GALNT7: variants seen among roughly 807,000 people sequenced by gnomAD.
GALNT7 encodes N-acetylgalactosaminyltransferase 7.
GALNT7 carries 60 observed loss-of-function variants against 82.1 expected under a neutral mutation model. The ratio of observed to expected loss-of-function variants is 0.73; its 90% CI spans 0.59 to 0.91. The LOEUF is 0.91. GALNT7 is among the 40% of genes least tolerant of loss of function. The pLI, the probability that GALNT7 is intolerant of heterozygous loss-of-function variation, is 0.00. For synonymous variants in GALNT7, 243 were observed against 275.1 expected (o/e 0.88, Z 1.15); for missense variants, 660 against 804.2 (o/e 0.82, Z 2.17).
intron 2 of GALNT7, among the ~76,000 whole-genome samples, chr4:173,263,616 G>A (rs570998294): frequency 4.6e-5 from 7 of 152,076 alleles, no homozygotes; most frequent in Admixed American, 2.0e-4. Flanking sequence ...AAATGGTATA[G>A]GGCAACCAGC....
intron 1 of GALNT7, among the ~76,000 whole-genome samples, chr4:173,215,526 G>A (rs1372004669): frequency 1.3e-5 from 2 of 151,980 alleles, no homozygotes; most frequent in South Asian, 2.1e-4. Context: ...CACCATACCC[G>A]GCCTGCTGTT....
intron 1 of GALNT7, among the ~76,000 whole-genome samples, chr4:173,209,846 C>T (rs1178572313): frequency 6.6e-6 from 1 of 152,234 alleles, no homozygotes; most frequent in Non-Finnish European, 1.5e-5. Context: ...ATTTACGAAA[C>T]ACTCATGGCT....
intron 2 of GALNT7, among the ~76,000 whole-genome samples, chr4:173,264,715 CTG>C (rs1735416003): frequency 6.6e-6 from 1 of 152,142 alleles, no homozygotes; most frequent in East Asian, 1.9e-4. Context: ...TTAAGTTTTT[CTG>C]TGTTTCTACA....
At chr4:173,205,899 T>C (rs1007136595) in intron 1 of GALNT7, among the ~76,000 whole-genome samples, 2 of 151,580 alleles carry the variant, frequency 1.3e-5, no homozygotes, top group African/African-American at 4.9e-5. Context: ...GCTGTTGGGG[T>C]TGGCCTGGTG....
chr4:173,182,844 A>ACACACACACT (rs1732297730), intron 1 of GALNT7, among the ~76,000 whole-genome samples: 1 of 139,086 alleles, frequency 7.2e-6, no homozygotes, highest in Non-Finnish European at 1.6e-5. Flanking sequence ...ACACACACAC[A>ACACACACACT]GCTTTTTCTC....
intron 2 of GALNT7, among the ~76,000 whole-genome samples, chr4:173,276,865 G>T (rs1735931286): frequency 6.6e-6 from 1 of 151,922 alleles, no homozygotes; most frequent in Non-Finnish European, 1.5e-5. Context: ...CTTCTTGTTT[G>T]GTGAGCATGT....
intron 2 of GALNT7, among the ~76,000 whole-genome samples, chr4:173,283,749 C>T (rs796463512): frequency 5.3e-5 from 8 of 152,144 alleles, no homozygotes; most frequent in African/African-American, 1.9e-4. Flanking sequence ...CTTTTACTGG[C>T]TCTGCAAGTC....
At position 173,229,748 on chromosome 4, in the gene GALNT7, T is replaced by C. The variant is rs142259973; in HGVS notation, c.127-18232T>C. ...CATGCTTGTTTCATTGTATGGGTTC[T>C]TCTACCTTCTCCTCATCGTATTATC... On this transcript the variant is annotated intron_variant, in intron 1 of 11. Transcript: ENST00000265000. Among the ~76,000 whole-genome samples the C allele has an allele frequency of 1.9e-3, 297 of 152,336 alleles. 1 individual carries two copies. The highest frequency in any genetic ancestry group is 6.7e-3 in the African/African-American group (279 of 41,576).
At chr4:173,210,232 T>G (rs1733234010) in intron 1 of GALNT7, among the ~76,000 whole-genome samples, 2 of 152,204 alleles carry the variant, frequency 1.3e-5, no homozygotes, top group South Asian at 4.1e-4. Flanking sequence ...GAATGAGTAC[T>G]TGTTTCCTGG....
intron 7 of GALNT7, among the ~76,000 whole-genome samples, chr4:173,303,126 C>T (rs951029031): frequency 3.3e-5 from 5 of 150,970 alleles, no homozygotes; most frequent in African/African-American, 7.3e-5. Flanking sequence ...ATCTGGGAGG[C>T]GGAGATTGTA....
chr4:173,318,459 T>C lies in GALNT7; in HGVS notation c.1736T>C (p.Leu579Pro). ...QLFRINEANQ[L>P]MQYDQCLTKG... Reference sequence around the variant, plus strand: ...TTCAGAATCAATGAAGCAAATCAACTCATGCAGTATGACCAGTGTTTGACA... The same window carrying C: ...TTCAGAATCAATGAAGCAAATCAACCCATGCAGTATGACCAGTGTTTGACA... The change falls in exon 11 of 12, where the codon CTC becomes CCC. Residue 579 changes from leucine to proline, a missense_variant. Transcript: ENST00000265000. 6.2e-7 allele frequency: 1 copy of C among 1,603,504 alleles called. No individual in the cohort carries two copies. Among genetic ancestry groups the C allele is most frequent in the Non-Finnish European group, 8.5e-7 (1 of 1,173,700 alleles).
At chr4:173,230,840 A>T (rs1026122027) in intron 1 of GALNT7, among the ~76,000 whole-genome samples, 1 of 152,194 alleles carries the variant, frequency 6.6e-6, no homozygotes, top group Non-Finnish European at 1.5e-5. Flanking sequence ...ATAGTAAATT[A>T]TTCTGTGATA....
chr4:173,184,600 G>A (rs1357060620), intron 1 of GALNT7, among the ~76,000 whole-genome samples: 1 of 146,468 alleles, frequency 6.8e-6, no homozygotes, highest in African/African-American at 2.6e-5. Flanking sequence ...GAGGGAGCTC[G>A]GCATCAGAGG....
chr4:173,248,537 G>C, intron 2 of GALNT7, 97 bp downstream of exon 2: 1 of 752,256 alleles, frequency 1.3e-6, no homozygotes. Context: ...AATAATTATT[G>C]ATGCCTTTAT....
intron 2 of GALNT7, among the ~76,000 whole-genome samples, chr4:173,268,545 T>TG (rs1188469270): frequency 2.3e-5 from 3 of 132,418 alleles, no homozygotes; most frequent in Non-Finnish European, 4.9e-5. Flanking sequence ...TTTTTTTTTT[T>TG]TTTTTTTTTT....
rs761230821 is a variant in GALNT7, at chr4:173,314,072, C to T, written c.1504C>T (p.Arg502Ter). 5 of 1,612,728 alleles carry T rather than the reference C, an allele frequency of 3.1e-6. No individual in the cohort carries two copies. The highest frequency in any genetic ancestry group is 1.7e-4 in the Middle Eastern group (1 of 6,056). The change falls in exon 9 of 12, where the codon CGA becomes TGA. Residue 502 changes from arginine to a stop codon, truncating the protein, a stop_gained. Coordinates refer to ENST00000265000, the MANE Select transcript of GALNT7 (RefSeq NM_017423.3). LOFTEE classifies it high-confidence loss of function. Reference protein sequence around the residue: ...YGDISELKKFREDHNCKSFKW... With the variant: ...YGDISELKKF The stretch of plus-strand genomic sequence containing the variant: ...GGATATATCGGAGCTGAAAAAATTT[C>T]GAGAAGATCACAACTGCAAAAGTTT...
At chr4:173,263,687 T>C (rs1205082613) in intron 2 of GALNT7, among the ~76,000 whole-genome samples, 1 of 152,136 alleles carries the variant, frequency 6.6e-6, no homozygotes, top group Non-Finnish European at 1.5e-5. Context: ...TTAAAGGAAC[T>C]CATGGGAACA....
chr4:173,225,905 C>T (rs1733811130), intron 1 of GALNT7, among the ~76,000 whole-genome samples: 1 of 152,162 alleles, frequency 6.6e-6, no homozygotes, highest in South Asian at 2.1e-4. Context: ...AAGTCCTGAA[C>T]CAACCCCACA....
intron 10 of GALNT7, among the ~76,000 whole-genome samples, chr4:173,317,937 A>C (rs1303034191): frequency 6.6e-6 from 1 of 152,238 alleles, no homozygotes; most frequent in Admixed American, 6.5e-5. Context: ...TCACATAAGC[A>C]GTCAGAATCT....
Sources: gnomAD v4.1 joint callset for allele counts (sites outside exome capture counted in the v4.1 genomes callset) on GRCh38, gnomAD v4.1.1 for gene constraint, MANE v1.5 for transcripts, NCBI Gene and HGNC (gene_info 2026-07-23, HGNC 2026-07-21) for gene names.